Variants in PCM1 observed in about 807,000 individuals in gnomAD.
PCM1 encodes pericentriolar material 1 protein.
In PCM1, 157 loss-of-function variants were observed where a neutral mutation model predicts 241.9. The ratio of observed to expected loss-of-function variants is 0.65; its 90% CI spans 0.57 to 0.74. The LOEUF (loss-of-function observed/expected upper bound fraction) is 0.74, where lower values mean the gene tolerates loss of function less well. PCM1 is among the 30% of genes least tolerant of loss of function. PCM1 has a pLI of 0.00. For synonymous variants in PCM1, 1,085 were observed against 784.9 expected (o/e 1.38, Z -6.39); for missense variants, 3,478 against 2,360.1 (o/e 1.47, Z -9.81).
chr8:18,027,786 TGTG>T lies in PCM1; in HGVS notation c.*127_*129del, dbSNP rs371704775. On this transcript the variant is annotated 3_prime_UTR_variant, in exon 39 of 39. Coordinates refer to ENST00000325083, the MANE Select transcript of PCM1 (RefSeq NM_006197.4). ...AGTTTGACACTGCTTTTTTGATAGG[TGTG>T]GTCATTTCTCCCCATGGTAGTTTAA... The T allele has an allele frequency of 5.6e-5, 33 of 585,562 alleles. No individual in the cohort carries two copies. In the African/African-American group the frequency reaches 5.6e-4, roughly 10 times the overall value. 36.3% of individuals were successfully genotyped at this position (585,562 alleles called of 1,614,324 possible).
chr8:17,953,195 A>G lies in PCM1; in HGVS notation c.1288+9A>G. On this transcript the variant is annotated intron_variant, in intron 9 of 38. Transcript: ENST00000325083. ...TCTTAACAATTCATCATGTGAGTAA[A>G]TCTGGTTCAGCAGTATTGGGTATAA... The G allele has an allele frequency of 6.8e-7, 1 of 1,478,784 alleles. No homozygotes were observed. The highest frequency in any genetic ancestry group is 2.4e-5 in the East Asian group (1 of 41,794). 91.6% of individuals were successfully genotyped at this position (1,478,784 alleles called of 1,614,324 possible).
Position 17,939,668 on chromosome 8 carries a change from T to G in PCM1, c.613-23T>G, listed in dbSNP as rs745963579. ...ATATTGTGTACTTTCATGCTTTTTT[T>G]AAAAAAAATATTTCCCCTGCAGATT... On this transcript the variant is annotated intron_variant, in intron 5 of 38. Coordinates refer to ENST00000325083, the MANE Select transcript of PCM1 (RefSeq NM_006197.4). 8 of 1,431,516 alleles carry G rather than the reference T, an allele frequency of 5.6e-6. No homozygotes were observed. In the Admixed American group the frequency reaches 1.1e-4, roughly 19 times the overall value. 88.7% of individuals were successfully genotyped at this position (1,431,516 alleles called of 1,614,324 possible). A position where few individuals can be genotyped will look rare whatever the true frequency, so the allele number is the denominator to read the frequency against.
chr8:18,029,924 TAATA>T lies in PCM1; in HGVS notation c.*2267_*2270del, dbSNP rs2094424893. 5.4e-6 allele frequency: 1 copy of T among 184,836 alleles called. No individual in the cohort carries two copies. Among genetic ancestry groups the T allele is most frequent in the African/African-American group, 2.3e-5 (1 of 42,652 alleles). 11.4% of individuals were successfully genotyped at this position (184,836 alleles called of 1,614,324 possible). A position where few individuals can be genotyped will look rare whatever the true frequency, so the allele number is the denominator to read the frequency against. ...CTTTGGGTAAATGCTTTTTCACTGT[TAATA>T]AATATATATCCTGTATACAACCCTG... On this transcript the variant is annotated 3_prime_UTR_variant, in exon 39 of 39. Coordinates refer to ENST00000325083, the MANE Select transcript of PCM1 (RefSeq NM_006197.4).
intron 29 of PCM1, among the ~76,000 whole-genome samples, chr8:18,005,237 C>T (rs1352580013): frequency 6.6e-6 from 1 of 151,928 alleles, no homozygotes; most frequent in East Asian, 1.9e-4. Context: ...AGAATACCTG[C>T]AGTTAAAAAA....
intron 6 of PCM1, 128 bp from the exon 7 acceptor site, chr8:17,947,058 A>T: frequency 1.8e-6 from 1 of 557,886 alleles, no homozygotes; most frequent in Non-Finnish European, 3.2e-6. Flanking sequence ...CTTGATGTCT[A>T]CTAAAACTAT....
At position 18,028,353 on chromosome 8, in the gene PCM1, A is replaced by T. The variant is rs17692306; in HGVS notation, c.*691A>T. ...GTTAGGATTTGAAATTCTGGAAAAT[A>T]TTTATCTACATCGCCTCAGACTAAA... On this transcript the variant is annotated 3_prime_UTR_variant, in exon 39 of 39. Coordinates refer to ENST00000325083, the MANE Select transcript of PCM1 (RefSeq NM_006197.4). The T allele has an allele frequency of 5.2e-6, 1 of 191,340 alleles. No individual in the cohort carries two copies. Among genetic ancestry groups the T allele is most frequent in the South Asian group, 1.9e-4 (1 of 5,180 alleles). The allele number at this position is 191,340 out of a possible 1,614,324, so 11.9% of individuals were successfully genotyped here.
intron 8 of PCM1, among the ~76,000 whole-genome samples, chr8:17,951,195 A>G (rs188834936): frequency 4.4e-4 from 67 of 152,376 alleles, no homozygotes; most frequent in African/African-American, 1.6e-3. Context: ...AGCAAGTGTT[A>G]TAATTTGATG....
intron 23 of PCM1, among the ~76,000 whole-genome samples, chr8:17,973,612 G>A (rs1471407606): frequency 6.6e-6 from 1 of 151,880 alleles, no homozygotes; most frequent in African/African-American, 2.4e-5. Context: ...AGCTACTAAG[G>A]AGGCTGAGAC....
At position 18,027,722 on chromosome 8, in the gene PCM1, A is replaced by G. The variant is rs1314019712; in HGVS notation, c.*60A>G. 2 of 1,212,350 alleles carry G rather than the reference A, an allele frequency of 1.6e-6. No individual in the cohort carries two copies. The highest frequency in any genetic ancestry group is 2.4e-6 in the Non-Finnish European group (2 of 840,554). 75.1% of individuals were successfully genotyped at this position (1,212,350 alleles called of 1,614,324 possible). ...CATACTCAATGCATATATGAAAACAATACTAAATAAACATCTGATCTGTAT... is the reference window on the plus strand; with the variant it reads ...CATACTCAATGCATATATGAAAACAGTACTAAATAAACATCTGATCTGTAT... On this transcript the variant is annotated 3_prime_UTR_variant, in exon 39 of 39. Coordinates refer to ENST00000325083, the MANE Select transcript of PCM1 (RefSeq NM_006197.4).
intron 36 of PCM1, among the ~76,000 whole-genome samples, chr8:18,016,643 C>G (rs2129486767): frequency 1.3e-5 from 2 of 152,264 alleles, no homozygotes; most frequent in South Asian, 4.1e-4. Flanking sequence ...AAAGCTTAAG[C>G]AGTGAATTGA....
At chr8:17,967,216 T>C in intron 21 of PCM1, 46 bp downstream of exon 21, 3 of 1,377,210 alleles carry the variant, frequency 2.2e-6, no homozygotes, top group Non-Finnish European at 3.0e-6. Context: ...GCAAAGTGTT[T>C]GGAACAACGT....
At chr8:17,946,585 C>T (rs1294038344) in intron 6 of PCM1, among the ~76,000 whole-genome samples, 4 of 151,988 alleles carry the variant, frequency 2.6e-5, no homozygotes, top group African/African-American at 9.7e-5. Flanking sequence ...CAATCTCTAC[C>T]TCCTGAGTTC....
At position 17,975,403 on chromosome 8, in the gene PCM1, TC is replaced by T. The variant is rs531101050; in HGVS notation, c.3943+2718del. 1.1e-4 allele frequency among the ~76,000 whole-genome samples: 17 copies of T among 152,244 alleles called. No homozygotes were observed. The East Asian group carries it at 2.9e-3, about 26-fold the overall frequency. ...GTCTTGAACTCCCGATCTCAGGTGA[TC>T]CACCCCCATTGGCCTCCGGAAGTGG... On this transcript the variant is annotated intron_variant, in intron 23 of 38. Transcript: ENST00000325083.
chr8:17,987,803 C>G (rs956670867), intron 26 of PCM1, among the ~76,000 whole-genome samples: 3 of 151,820 alleles, frequency 2.0e-5, no homozygotes, highest in African/African-American at 7.2e-5. Flanking sequence ...TTGTCTAATG[C>G]TGTAGCCATT....
chr8:17,974,628 C>T (rs530384352), intron 23 of PCM1, among the ~76,000 whole-genome samples: 1 of 152,078 alleles, frequency 6.6e-6, no homozygotes, highest in Non-Finnish European at 1.5e-5. Context: ...GACCACCTAA[C>T]CCTAGAAATA....
At chr8:17,962,899 T>C in intron 16 of PCM1, 1 of 456,552 alleles carries the variant, frequency 2.2e-6, no homozygotes, top group Admixed American at 4.1e-5. Flanking sequence ...TGAGACTCTG[T>C]CTCAAAAAAA....
chr8:18,026,478 C>A (rs969201670), intron 38 of PCM1, among the ~76,000 whole-genome samples: 4 of 151,536 alleles, frequency 2.6e-5, no homozygotes, highest in African/African-American at 9.7e-5. Context: ...CTCAGATGGT[C>A]TCGATCTCCT....
In PCM1 at chr8:17,938,995, A is replaced by G. The variant is rs370989307; in HGVS notation, c.598A>G (p.Met200Val). The change falls in exon 5 of 39, where the codon ATG (methionine) becomes GTG (valine). Residue 200 changes from methionine (M) to valine (V), a missense_variant. Met to Val is a conservative substitution (Grantham distance 21, BLOSUM62 1). Transcript: ENST00000325083. Reference protein sequence around the residue: ...SEEDGRGEPAMESSQIVSRLV... With the variant: ...SEEDGRGEPAVESSQIVSRLV... ...AGAAGATGGGAGGGGAGAACCTGCA[A>G]TGGAGAGCAGCCAGGTGATAACGTT... The G allele has an allele frequency of 1.0e-4, 168 of 1,613,654 alleles. 1 individual carries two copies. The African/African-American group carries it at 1.2e-3, about 11-fold the overall frequency.
intron 8 of PCM1, among the ~76,000 whole-genome samples, chr8:17,952,205 A>G (rs921698374): frequency 6.7e-6 from 1 of 149,520 alleles, no homozygotes; most frequent in Non-Finnish European, 1.5e-5. Context: ...CCTGGGCCAC[A>G]GAGTGAGACT....
Sources: allele counts gnomAD v4.1 joint callset (sites outside exome capture counted in the v4.1 genomes callset), GRCh38; gene constraint gnomAD v4.1.1; transcripts MANE v1.5; gene names NCBI Gene and HGNC (gene_info 2026-07-23, HGNC 2026-07-21).